Variants in C15orf62 observed in about 807,000 individuals in gnomAD.
The protein encoded by C15orf62 is chromosome 15 open reading frame 62.
Under a neutral mutation model 13.2 loss-of-function variants are expected in C15orf62, and 11 were observed. The ratio of observed to expected loss-of-function variants is 0.83; its 90% CI spans 0.52 to 1.38. C15orf62 has a LOEUF of 1.38. Ranked by LOEUF, C15orf62 falls within the 40% of genes most tolerant of loss-of-function variation. The pLI is 0.00. For missense variants in C15orf62, 204 were observed against 229.1 expected (o/e 0.89, Z 0.71); for synonymous variants, 88 against 95.6 (o/e 0.92, Z 0.46).
rs914430833 is a variant in C15orf62 at position 40,771,673 on chromosome 15, C to T, written c.*650C>T. 1.2e-5 allele frequency: 2 copies of T among 170,102 alleles called. No homozygotes were observed. Among genetic ancestry groups the T allele is most frequent in the Non-Finnish European group, 2.8e-5 (2 of 70,198 alleles). 10.5% of individuals were successfully genotyped at this position (170,102 alleles called of 1,614,324 possible). A position where few individuals can be genotyped will look rare whatever the true frequency, so the allele number is the denominator to read the frequency against. On this transcript the variant is annotated 3_prime_UTR_variant, in exon 1 of 1. Coordinates refer to ENST00000344320, the MANE Select transcript of C15orf62 (RefSeq NM_001130448.3). ...CACCGTTATTCCAGATTCCACATTC[C>T]AAATGCCCGGTGGCCACACATGATT...
Position 40,770,163 on chromosome 15 carries a change from C to G in C15orf62, c.-333C>G. 1 of 264,944 alleles carries G rather than the reference C, an allele frequency of 3.8e-6. No individual in the cohort carries two copies. The allele number at this position is 264,944 out of a possible 1,614,324, so 16.4% of individuals were successfully genotyped here. ...CGAGAAGGTCCACCTCTGCCTCCGCCGGAGCTGCCCTCATTCTGGCTCCAG... is the reference window on the plus strand; with the variant it reads ...CGAGAAGGTCCACCTCTGCCTCCGCGGGAGCTGCCCTCATTCTGGCTCCAG... On this transcript the variant is annotated 5_prime_UTR_variant, in exon 1 of 1. Coordinates refer to ENST00000344320, the MANE Select transcript of C15orf62 (RefSeq NM_001130448.3). The surrounding 1 kb of genome is among the most constrained non-coding windows in gnomAD (Gnocchi z 5.0).
rs867990915 is a variant in C15orf62 at position 40,772,169 on chromosome 15, G to A, written c.*1146G>A. 6.0e-6 allele frequency: 1 copy of A among 166,926 alleles called. No individual in the cohort carries two copies. The highest frequency in any genetic ancestry group is 1.5e-5 in the Non-Finnish European group (1 of 68,140). 10.3% of individuals were successfully genotyped at this position (166,926 alleles called of 1,614,324 possible). ...AGTTCTGCCGCCTGAACCCTCCGAC[G>A]ATGGGCCTGCCAACCAGGCCAAGCC... On this transcript the variant is annotated 3_prime_UTR_variant, in exon 1 of 1. Transcript: ENST00000344320.
rs1420705750 is a variant in C15orf62 at position 40,771,815 on chromosome 15, G to T, written c.*792G>T. ...CACCAGCAAAGGGGAGGCGCATACA[G>T]GGGCTGGCCACATAGGAAGAGATAG... On this transcript the variant is annotated 3_prime_UTR_variant, in exon 1 of 1. Coordinates refer to ENST00000344320, the MANE Select transcript of C15orf62 (RefSeq NM_001130448.3). The T allele has an allele frequency of 6.0e-6, 1 of 167,152 alleles. No homozygotes were observed. Among genetic ancestry groups the T allele is most frequent in the Non-Finnish European group, 1.5e-5 (1 of 68,244 alleles). 10.4% of individuals were successfully genotyped at this position (167,152 alleles called of 1,614,324 possible). A position where few individuals can be genotyped will look rare whatever the true frequency, so the allele number is the denominator to read the frequency against.
At position 40,770,782 on chromosome 15, in the gene C15orf62, T is replaced by G. The variant is rs751507060; in HGVS notation, c.287T>G (p.Leu96Arg). The change falls in exon 1 of 1, where the codon CTG (leucine) becomes CGG (arginine). Residue 96 changes from leucine (L) to arginine (R), a missense_variant. By Grantham distance (102) the Leu-to-Arg change is moderately radical. Coordinates refer to ENST00000344320, the MANE Select transcript of C15orf62 (RefSeq NM_001130448.3). The surrounding 1 kb of genome is among the most constrained non-coding windows in gnomAD (Gnocchi z 5.0). ...GAGAGCTCAAGCTGCCCCAACATCC[T>G]GGAGCCCCCACCTGCCTACACAGCA... The part of the protein sequence containing the change: ...YRESSSCPNI[L>R]EPPPAYTAAY... 9 of 1,547,040 alleles carry G rather than the reference T, an allele frequency of 5.8e-6. No homozygotes were observed. The African/African-American group carries it at 1.2e-4, about 21-fold the overall frequency.
Position 40,772,058 on chromosome 15 carries a change from C to T in C15orf62, c.*1035C>T, listed in dbSNP as rs897893272. 9 of 166,996 alleles carry T rather than the reference C, an allele frequency of 5.4e-5. No homozygotes were observed. The highest frequency in any genetic ancestry group is 1.7e-4 in the African/African-American group (7 of 41,424). 10.3% of individuals were successfully genotyped at this position (166,996 alleles called of 1,614,324 possible). A position where few individuals can be genotyped will look rare whatever the true frequency, so the allele number is the denominator to read the frequency against. The stretch of plus-strand genomic sequence containing the variant: ...GGGAGCCCTGGCAGGTTTCCTTCCT[C>T]GAAGAGAGGAGAACTGGATCCAGGG... On this transcript the variant is annotated 3_prime_UTR_variant, in exon 1 of 1. Transcript: ENST00000344320.
Position 40,772,064 on chromosome 15 carries a change from G to C in C15orf62, c.*1041G>C, listed in dbSNP as rs1889159767. Reference sequence around the variant, plus strand: ...CCTGGCAGGTTTCCTTCCTCGAAGAGAGGAGAACTGGATCCAGGGATGGGC... The same window carrying C: ...CCTGGCAGGTTTCCTTCCTCGAAGACAGGAGAACTGGATCCAGGGATGGGC... On this transcript the variant is annotated 3_prime_UTR_variant, in exon 1 of 1. Coordinates refer to ENST00000344320, the MANE Select transcript of C15orf62 (RefSeq NM_001130448.3). 1.2e-5 allele frequency: 2 copies of C among 167,048 alleles called. No homozygotes were observed. Among genetic ancestry groups the C allele is most frequent in the Admixed American group, 1.3e-4 (2 of 15,278 alleles). 10.3% of individuals were successfully genotyped at this position (167,048 alleles called of 1,614,324 possible).
Position 40,770,328 on chromosome 15 carries a change from G to C in C15orf62, c.-168G>C. On this transcript the variant is annotated 5_prime_UTR_variant, in exon 1 of 1. Coordinates refer to ENST00000344320, the MANE Select transcript of C15orf62 (RefSeq NM_001130448.3). This position sits in a 1 kb window ranked among gnomAD's most constrained non-coding sequence, Gnocchi z 5.0. ...GGGCAAAAAAGTTCCTTCTTCCTGAGCCCTCCTCTCACCATCCAAGATGTG... is the reference window on the plus strand; with the variant it reads ...GGGCAAAAAAGTTCCTTCTTCCTGACCCCTCCTCTCACCATCCAAGATGTG... The C allele has an allele frequency of 1.5e-6, 1 of 672,000 alleles. No homozygotes were observed. The highest frequency in any genetic ancestry group is 2.5e-6 in the Non-Finnish European group (1 of 406,094). The allele number at this position is 672,000 out of a possible 1,614,324, so 41.6% of individuals were successfully genotyped here.
At position 40,770,570 on chromosome 15, in the gene C15orf62, G is replaced by A. The variant is rs1276462195; in HGVS notation, c.75G>A (p.Arg25=). ...AGCTGAGCCTGGGGCGGCCACGGCG[G>A]CTCCGGCGACAGAGTAGTGTGCTTA... is the stretch of plus-strand genomic sequence containing the variant. ...FKQLSLGRPR[R]LRRQSSVLSQ... Residue 25 remains arginine (R), a synonymous_variant, in exon 1 of 1, where the codon CGG becomes CGA. Coordinates refer to ENST00000344320, the MANE Select transcript of C15orf62 (RefSeq NM_001130448.3). This position sits in a 1 kb window ranked among gnomAD's most constrained non-coding sequence, Gnocchi z 5.0. 7 of 1,550,662 alleles carry A rather than the reference G, an allele frequency of 4.5e-6. No homozygotes were observed. The highest frequency in any genetic ancestry group is 6.1e-6 in the Non-Finnish European group (7 of 1,146,976).
chr15:40,771,106 G>A lies in C15orf62; in HGVS notation c.*83G>A. On this transcript the variant is annotated 3_prime_UTR_variant, in exon 1 of 1. Transcript: ENST00000344320. Reference sequence around the variant, plus strand: ...GGAAAGGACAGGGACAGGACTCCAGGCCCATCGCTGGAGGGTTCAGGCAGG... The same window carrying A: ...GGAAAGGACAGGGACAGGACTCCAGACCCATCGCTGGAGGGTTCAGGCAGG... 7.7e-7 allele frequency: 1 copy of A among 1,301,592 alleles called. No individual in the cohort carries two copies. The highest frequency in any genetic ancestry group is 1.1e-6 in the Non-Finnish European group (1 of 943,956). The allele number at this position is 1,301,592 out of a possible 1,614,324, so 80.6% of individuals were successfully genotyped here.
At position 40,772,232 on chromosome 15, in the gene C15orf62, C is replaced by T. The variant is rs575461145; in HGVS notation, c.*1209C>T. 1 of 167,240 alleles carries T rather than the reference C, an allele frequency of 6.0e-6. No homozygotes were observed. The highest frequency in any genetic ancestry group is 2.1e-4 in the South Asian group (1 of 4,824). The allele number at this position is 167,240 out of a possible 1,614,324, so 10.4% of individuals were successfully genotyped here. ...GCCACAGGCTGTGCTACGGCCCCAC[C>T]CCATGGCCTCACCAGAACACAGAAA... On this transcript the variant is annotated 3_prime_UTR_variant, in exon 1 of 1. Transcript: ENST00000344320.
Position 40,770,225 on chromosome 15 carries a change from AC to A in C15orf62, c.-268del, listed in dbSNP as rs1415649145. The A allele has an allele frequency of 5.3e-5, 25 of 472,276 alleles. No individual in the cohort carries two copies. The highest frequency in any genetic ancestry group is 3.6e-5 in the East Asian group (1 of 27,466). The allele number at this position is 472,276 out of a possible 1,614,324, so 29.3% of individuals were successfully genotyped here. A position where few individuals can be genotyped will look rare whatever the true frequency, so the allele number is the denominator to read the frequency against. On this transcript the variant is annotated 5_prime_UTR_variant, in exon 1 of 1. Transcript: ENST00000344320. The surrounding 1 kb of genome is among the most constrained non-coding windows in gnomAD (Gnocchi z 5.0). ...TCTTCCTCCTGGGTTTTTTTCCACT[AC>A]CCTATTCAGTAACCAGGCCACTCCT...
rs71786584 is a variant in C15orf62, at chr15:40,771,299, ATGCCGGGAAAGGGAGGCTG to A, written c.*295_*313del. 0.027 allele frequency: 13,302 copies of A among 489,044 alleles called. 501 individuals carry two copies. Among genetic ancestry groups the A allele is most frequent in the African/African-American group, 0.11 (5,714 of 51,358 alleles). The allele number at this position is 489,044 out of a possible 1,614,324, so 30.3% of individuals were successfully genotyped here. A position where few individuals can be genotyped will look rare whatever the true frequency, so the allele number is the denominator to read the frequency against. ...GGCAGGACCCTGAAGAAAGCTGGCT[ATGCCGGGAAAGGGAGGCTG>A]TGCCGGGAAAGGGAGGCTCTGTGCG... On this transcript the variant is annotated 3_prime_UTR_variant, in exon 1 of 1. Coordinates refer to ENST00000344320, the MANE Select transcript of C15orf62 (RefSeq NM_001130448.3).
rs1417125765 is a variant in C15orf62 at position 40,772,276 on chromosome 15, G to A, written c.*1253G>A. ...ACAGAAACCAGAGCCCAGCAGCACT[G>A]GCTGGGCCATGTGTTGGTGGCCCCC... On this transcript the variant is annotated 3_prime_UTR_variant, in exon 1 of 1. Coordinates refer to ENST00000344320, the MANE Select transcript of C15orf62 (RefSeq NM_001130448.3). 1 of 167,190 alleles carries A rather than the reference G, an allele frequency of 6.0e-6. No individual in the cohort carries two copies. Among genetic ancestry groups the A allele is most frequent in the Non-Finnish European group, 1.5e-5 (1 of 68,198 alleles). 10.4% of individuals were successfully genotyped at this position (167,190 alleles called of 1,614,324 possible).
At position 40,770,777 on chromosome 15, in the gene C15orf62, C is replaced by T; in HGVS notation, c.282C>T (p.Asn94=). Residue 94 remains asparagine (N), a synonymous_variant, in exon 1 of 1, where the codon AAC becomes AAT. Transcript: ENST00000344320. The surrounding 1 kb of genome is among the most constrained non-coding windows in gnomAD (Gnocchi z 5.0). ...ACCGAGAGAGCTCAAGCTGCCCCAA[C>T]ATCCTGGAGCCCCCACCTGCCTACA... ...RLYRESSSCP[N]ILEPPPAYTA... 8 of 1,547,444 alleles carry T rather than the reference C, an allele frequency of 5.2e-6. No homozygotes were observed. Among genetic ancestry groups the T allele is most frequent in the Non-Finnish European group, 6.1e-6 (7 of 1,146,954 alleles).
chr15:40,770,969 TGAGG>T lies in C15orf62; in HGVS notation c.475_478del (p.Glu159LysfsTer6), dbSNP rs1369937388. On this transcript the variant is annotated frameshift_variant, in exon 1 of 1. Coordinates refer to ENST00000344320, the MANE Select transcript of C15orf62 (RefSeq NM_001130448.3). LOFTEE classifies it high-confidence loss of function. The surrounding 1 kb of genome is among the most constrained non-coding windows in gnomAD (Gnocchi z 5.0). ...AAGTGGACCTGGGGATTTCACTTCTTGAGGAAGTTCTGCAGATGCTAAGGGAGCA... is the reference window on the plus strand; with the variant it reads ...AAGTGGACCTGGGGATTTCACTTCTTAAGTTCTGCAGATGCTAAGGGAGCA... 1 of 1,551,310 alleles carries T rather than the reference TGAGG, an allele frequency of 6.4e-7. No individual in the cohort carries two copies. Among genetic ancestry groups the T allele is most frequent in the South Asian group, 1.2e-5 (1 of 84,070 alleles).
chr15:40,770,997 C>T lies in C15orf62; in HGVS notation c.502C>T (p.Gln168Ter). The change falls in exon 1 of 1, where the codon CAG becomes TAG. Residue 168 changes from glutamine to a stop codon, truncating the protein, a stop_gained. Transcript: ENST00000344320. LOFTEE classifies it high-confidence loss of function. This position sits in a 1 kb window ranked among gnomAD's most constrained non-coding sequence, Gnocchi z 5.0. ...LEEVLQMLRE[Q>*]FPSEPSF ...GGAAGTTCTGCAGATGCTAAGGGAG[C>T]AGTTTCCTAGCGAGCCCAGCTTCTA... 6.4e-7 allele frequency: 1 copy of T among 1,550,982 alleles called. No individual in the cohort carries two copies. The highest frequency in any genetic ancestry group is 8.7e-7 in the Non-Finnish European group (1 of 1,146,950).
Position 40,771,620 on chromosome 15 carries a change from T to A in C15orf62, c.*597T>A, listed in dbSNP as rs1484944245. 5.9e-6 allele frequency: 1 copy of A among 170,228 alleles called. No individual in the cohort carries two copies. The highest frequency in any genetic ancestry group is 1.4e-5 in the Non-Finnish European group (1 of 70,166). The allele number at this position is 170,228 out of a possible 1,614,324, so 10.5% of individuals were successfully genotyped here. On this transcript the variant is annotated 3_prime_UTR_variant, in exon 1 of 1. Transcript: ENST00000344320. ...CTGCATGACACTGAATTGAAATAAA[T>A]AAAATTAACAGTTCAGTTCCTCAGC...
Position 40,771,831 on chromosome 15 carries a change from G to A in C15orf62, c.*808G>A, listed in dbSNP as rs1889150069. The A allele has an allele frequency of 6.0e-6, 1 of 167,182 alleles. No homozygotes were observed. The highest frequency in any genetic ancestry group is 1.9e-4 in the East Asian group (1 of 5,186). 10.4% of individuals were successfully genotyped at this position (167,182 alleles called of 1,614,324 possible). The stretch of plus-strand genomic sequence containing the variant: ...GCGCATACAGGGGCTGGCCACATAG[G>A]AAGAGATAGGTAGAGATAGAGTATA... On this transcript the variant is annotated 3_prime_UTR_variant, in exon 1 of 1. Transcript: ENST00000344320.
chr15:40,771,243 A>G lies in C15orf62; in HGVS notation c.*220A>G. ...ACCCCAGAGTGGAGGGACAGAGGCA[A>G]TCTGGAAATGTTGGGGGGGCGGCCC... On this transcript the variant is annotated 3_prime_UTR_variant, in exon 1 of 1. Coordinates refer to ENST00000344320, the MANE Select transcript of C15orf62 (RefSeq NM_001130448.3). The G allele has an allele frequency of 3.5e-6, 2 of 578,790 alleles. No individual in the cohort carries two copies. The highest frequency in any genetic ancestry group is 2.9e-5 in the East Asian group (1 of 33,976). The allele number at this position is 578,790 out of a possible 1,614,324, so 35.9% of individuals were successfully genotyped here.
Sources: gnomAD v4.1 joint callset for allele counts on GRCh38, gnomAD v4.1.1 for gene constraint, Gnocchi (gnomAD v3.1) non-coding constraint, MANE v1.5 for transcripts, NCBI Gene and HGNC (gene_info 2026-07-23, HGNC 2026-07-21) for gene names.